NIBAN1: variants seen among roughly 807,000 people sequenced by gnomAD.
The protein encoded by NIBAN1 is niban apoptosis regulator 1.
In NIBAN1, 81 loss-of-function variants were observed where a neutral mutation model predicts 75.1. The observed-to-expected ratio is 1.08, with a 90% CI of 0.90 to 1.30. The LOEUF (loss-of-function observed/expected upper bound fraction) is 1.30, where lower values mean the gene tolerates loss of function less well. NIBAN1 is among the 50% of genes most tolerant of loss of function. NIBAN1 has a pLI of 0.00. For synonymous variants in NIBAN1, 436 were observed against 424.8 expected (o/e 1.03, Z -0.32); for missense variants, 1,133 against 1,128.1 (o/e 1.00, Z -0.06).
In NIBAN1 at chr1:184,799,903, G is replaced by A. The variant is rs1199760156; in HGVS notation, c.1555-1713C>T. On this transcript the variant is annotated intron_variant, in intron 12 of 13. Transcript: ENST00000367511. ...TGGGACTACAGGCGCCCGCTACCAC[G>A]CCCAGCTAATTTTTTGTATTTTTAG... Among the ~76,000 whole-genome samples, 3 of 98,334 alleles carry A rather than the reference G, an allele frequency of 3.1e-5. 1 individual carries two copies. Among genetic ancestry groups the A allele is most frequent in the Non-Finnish European group, 5.8e-5 (3 of 52,098 alleles). The allele number at this position is 98,334 out of a possible 152,430, so 64.5% of individuals were successfully genotyped here.
At chr1:184,804,912 C>T (rs1447393747) in intron 11 of NIBAN1, among the ~76,000 whole-genome samples, 1 of 152,000 alleles carries the variant, frequency 6.6e-6, no homozygotes, top group Non-Finnish European at 1.5e-5. Flanking sequence ...TCTCAGCCTC[C>T]CGAGTAGCTA....
intron 1 of NIBAN1, among the ~76,000 whole-genome samples, chr1:184,973,608 T>A (rs1275471681): frequency 1.3e-5 from 2 of 152,178 alleles, no homozygotes; most frequent in East Asian, 3.9e-4. Flanking sequence ...TTTTGTTTTG[T>A]TTGTTTTGCA....
At chr1:184,863,929 A>G (rs1655881600) in intron 5 of NIBAN1, among the ~76,000 whole-genome samples, 1 of 152,244 alleles carries the variant, frequency 6.6e-6, no homozygotes, top group Non-Finnish European at 1.5e-5. Flanking sequence ...GTATTGTCAT[A>G]GGGATCGAAA....
At chr1:184,802,014 A>G (rs939044975) in intron 12 of NIBAN1, among the ~76,000 whole-genome samples, 4 of 152,200 alleles carry the variant, frequency 2.6e-5, no homozygotes, top group South Asian at 2.1e-4. Context: ...TCCCCAGACA[A>G]TTCTAATACA....
At chr1:184,798,403 G>A (rs917849042) in intron 12 of NIBAN1, among the ~76,000 whole-genome samples, 8 of 152,262 alleles carry the variant, frequency 5.3e-5, no homozygotes, top group Middle Eastern at 3.4e-3. Context: ...GCCTGACCTC[G>A]ACACATCTAT....
chr1:184,938,464 T>G (rs74132077), intron 1 of NIBAN1, among the ~76,000 whole-genome samples: 78 of 152,292 alleles, frequency 5.1e-4, no homozygotes, highest in African/African-American at 1.8e-3. Context: ...TTTGTCTCCC[T>G]TTCTTCCTTC....
intron 1 of NIBAN1, among the ~76,000 whole-genome samples, chr1:184,909,754 A>G (rs1474966664): frequency 6.6e-6 from 1 of 152,200 alleles, no homozygotes; most frequent in Non-Finnish European, 1.5e-5. Context: ...CTCTGGATAC[A>G]GTTTTTCTGA....
chr1:184,884,567 C>G, intron 5 of NIBAN1, 66 bp downstream of exon 5: 21 of 1,586,936 alleles, frequency 1.3e-5, no homozygotes, highest in Non-Finnish European at 1.8e-5. Flanking sequence ...AGATGATGGA[C>G]CAGAACAACT....
At chr1:184,966,996 C>T (rs902797878) in intron 1 of NIBAN1, among the ~76,000 whole-genome samples, 6 of 152,180 alleles carry the variant, frequency 3.9e-5, no homozygotes, top group Non-Finnish European at 8.8e-5. Flanking sequence ...GAATTAATTG[C>T]TTTCATACCT....
At chr1:184,943,113 G>C (rs1455652678) in intron 1 of NIBAN1, among the ~76,000 whole-genome samples, 2 of 152,162 alleles carry the variant, frequency 1.3e-5, no homozygotes, top group African/African-American at 4.8e-5. Context: ...GAAAAACATA[G>C]TAGACATAAA....
Position 184,946,644 on chromosome 1 carries a change from A to C in NIBAN1, c.55+27658T>G, listed in dbSNP as rs1658231819. Among the ~76,000 whole-genome samples the C allele has an allele frequency of 2.6e-5, 4 of 152,250 alleles. No individual in the cohort carries two copies. The South Asian group carries it at 8.3e-4, about 31-fold the overall frequency. On this transcript the variant is annotated intron_variant, in intron 1 of 13. Transcript: ENST00000367511. ...TTTCTAAACTAAAAGTTGCTATCAA[A>C]TTTATTGGAGAAATAATAGAGATAT...
chr1:184,973,489 G>T (rs1658988949), intron 1 of NIBAN1, among the ~76,000 whole-genome samples: 1 of 151,696 alleles, frequency 6.6e-6, no homozygotes, highest in African/African-American at 2.4e-5. Context: ...GTTAGGTAGC[G>T]GTTGAAGGCA....
In NIBAN1 at chr1:184,803,601, G is replaced by A. The variant is rs750889582; in HGVS notation, c.1538C>T (p.Ala513Val). The change falls in exon 12 of 14, where the codon GCG becomes GTG. Residue 513 changes from alanine to valine, a missense_variant. Coordinates refer to ENST00000367511, the MANE Select transcript of NIBAN1 (RefSeq NM_052966.4). ...TCCCCTTACTGGTTTGCATGTGGACGCCAGTGCCTTCTGCACAGTGGGAAG... is the reference window on the plus strand; with the variant it reads ...TCCCCTTACTGGTTTGCATGTGGACACCAGTGCCTTCTGCACAGTGGGAAG... ...ITLPTVQKAL[A>V]STCKPELQKY... is the part of the protein sequence containing the mutation. 96 of 1,613,890 alleles carry A rather than the reference G, an allele frequency of 5.9e-5. No individual in the cohort carries two copies. The highest frequency in any genetic ancestry group is 7.4e-5 in the Non-Finnish European group (87 of 1,179,792).
At chr1:184,950,234 G>A (rs564993169) in intron 1 of NIBAN1, among the ~76,000 whole-genome samples, 135 of 152,196 alleles carry the variant, frequency 8.9e-4, no homozygotes, top group African/African-American at 3.0e-3. Flanking sequence ...TTATCTTAAC[G>A]ATGAACAAGG....
chr1:184,938,172 GA>G lies in NIBAN1; in HGVS notation c.55+36129del, dbSNP rs1206484799. Among the ~76,000 whole-genome samples the G allele has an allele frequency of 1.1e-4, 16 of 152,264 alleles. No homozygotes were observed. In the East Asian group the frequency reaches 3.1e-3, roughly 29 times the overall value. On this transcript the variant is annotated intron_variant, in intron 1 of 13. Coordinates refer to ENST00000367511, the MANE Select transcript of NIBAN1 (RefSeq NM_052966.4). ...ACAGATATGTCAAGAATGATTTGGG[GA>G]ATGCACACACAAAATGAGAATTAGG...
At chr1:184,893,372 C>T (rs538553344) in intron 3 of NIBAN1, among the ~76,000 whole-genome samples, 2 of 152,288 alleles carry the variant, frequency 1.3e-5, no homozygotes, top group African/African-American at 4.8e-5. Context: ...CTATACCACA[C>T]TACCTTCCTA....
chr1:184,807,395 AC>A (rs1654234934), intron 10 of NIBAN1, among the ~76,000 whole-genome samples: 2 of 152,056 alleles, frequency 1.3e-5, no homozygotes, highest in African/African-American at 2.4e-5. Context: ...TGATTGGTTT[AC>A]TCTTAATTAC....
At chr1:184,826,413 G>A (rs1307955899) in intron 6 of NIBAN1, among the ~76,000 whole-genome samples, 8 of 152,166 alleles carry the variant, frequency 5.3e-5, no homozygotes, top group Middle Eastern at 3.2e-3. Context: ...GGCAAGAACC[G>A]CAATTACTTT....
chr1:184,910,937 G>A (rs528523388), intron 1 of NIBAN1, among the ~76,000 whole-genome samples: 1 of 152,086 alleles, frequency 6.6e-6, no homozygotes, highest in Non-Finnish European at 1.5e-5. Context: ...TTCTTCCTGG[G>A]TCTCCAGCCT....
Sources: gnomAD v4.1 joint callset for allele counts (sites outside exome capture counted in the v4.1 genomes callset) on GRCh38, gnomAD v4.1.1 for gene constraint, MANE v1.5 for transcripts, NCBI Gene and HGNC (gene_info 2026-07-23, HGNC 2026-07-21) for gene names.